The following NLGN1 variants were observed in gnomAD, a reference collection of about 807,000 sequenced individuals.
The protein encoded by NLGN1 is neuroligin 1.
Under a neutral mutation model 65.5 loss-of-function variants are expected in NLGN1, and 12 were observed. The ratio of observed to expected loss-of-function variants is 0.18; its 90% CI spans 0.12 to 0.30. The LOEUF (loss-of-function observed/expected upper bound fraction) is 0.30, where lower values mean the gene tolerates loss of function less well. NLGN1 is among the 10% of genes least tolerant of loss of function. The pLI is 1.00. For synonymous variants in NLGN1, 350 were observed against 359.5 expected (o/e 0.97, Z 0.30); for missense variants, 750 against 1,007.1 (o/e 0.74, Z 3.46).
intron 4 of NLGN1, among the ~76,000 whole-genome samples, chr3:174,107,039 G>GAGAA (rs1714080335): frequency 6.7e-6 from 1 of 149,664 alleles, no homozygotes; most frequent in Non-Finnish European, 1.5e-5. Flanking sequence ...GAGAGAGAGA[G>GAGAA]AGAGAGAGAG....
At chr3:173,615,249 T>G (rs1752880956) in intron 3 of NLGN1, among the ~76,000 whole-genome samples, 1 of 152,154 alleles carries the variant, frequency 6.6e-6, no homozygotes, top group South Asian at 2.1e-4. Flanking sequence ...GTTGTTGCTT[T>G]GCTGGTGTTG....
intron 2 of NLGN1, among the ~76,000 whole-genome samples, chr3:173,597,052 T>C (rs958724471): frequency 3.3e-5 from 5 of 152,170 alleles, no homozygotes; most frequent in African/African-American, 1.2e-4. Context: ...TTATGACTAT[T>C]AACTAACCCC....
chr3:174,051,134 A>C (rs1734749458), intron 4 of NLGN1, among the ~76,000 whole-genome samples: 1 of 152,064 alleles, frequency 6.6e-6, no homozygotes, highest in African/African-American at 2.4e-5. Context: ...TAAGAATTCT[A>C]ATTTAACTCT....
chr3:173,478,446 G>C (rs958019559), intron 2 of NLGN1, among the ~76,000 whole-genome samples: 7 of 152,096 alleles, frequency 4.6e-5, no homozygotes, highest in African/African-American at 1.4e-4. Context: ...AATGCATACA[G>C]GGCTTAACAC....
chr3:173,716,025 AC>A (rs1213231031), intron 3 of NLGN1, among the ~76,000 whole-genome samples: 14 of 152,188 alleles, frequency 9.2e-5, no homozygotes, highest in Non-Finnish European at 8.8e-5. Context: ...AAATATGCTT[AC>A]AATAACCAGA....
chr3:173,947,543 T>TA (rs1369396746), intron 4 of NLGN1, among the ~76,000 whole-genome samples: 1 of 152,176 alleles, frequency 6.6e-6, no homozygotes, highest in Non-Finnish European at 1.5e-5. Context: ...TTTAAATAAT[T>TA]ACGCTTTTCT....
At chr3:174,233,740 T>C (rs1741161060) in intron 4 of NLGN1, among the ~76,000 whole-genome samples, 1 of 152,062 alleles carries the variant, frequency 6.6e-6, no homozygotes, top group Admixed American at 6.5e-5. Flanking sequence ...AGCATCTTTT[T>C]TGGGTCAAAG....
intron 3 of NLGN1, among the ~76,000 whole-genome samples, chr3:173,736,874 G>T (rs1171244247): frequency 6.6e-6 from 1 of 151,892 alleles, no homozygotes; most frequent in Non-Finnish European, 1.5e-5. Flanking sequence ...ATATACATTT[G>T]CATAATACCT....
intron 3 of NLGN1, among the ~76,000 whole-genome samples, chr3:173,711,798 G>C (rs1482603048): frequency 6.6e-6 from 1 of 152,084 alleles, no homozygotes; most frequent in Non-Finnish European, 1.5e-5. Flanking sequence ...TACTGAAGGA[G>C]GTAAGGTTAG....
At chr3:173,659,398 A>G (rs1760579125) in intron 3 of NLGN1, among the ~76,000 whole-genome samples, 1 of 151,942 alleles carries the variant, frequency 6.6e-6, no homozygotes, top group Non-Finnish European at 1.5e-5. Context: ...CTATTTGCTG[A>G]AGTGTCCAAC....
chr3:173,449,628 C>T (rs1469162890), intron 2 of NLGN1, among the ~76,000 whole-genome samples: 1 of 152,074 alleles, frequency 6.6e-6, no homozygotes, highest in African/African-American at 2.4e-5. Context: ...TGTTAACTTT[C>T]TGTCTCGTTG....
intron 4 of NLGN1, among the ~76,000 whole-genome samples, chr3:174,202,161 A>T (rs899948847): frequency 4.6e-5 from 7 of 152,102 alleles, no homozygotes; most frequent in Admixed American, 2.6e-4. Context: ...TGTGCACAGT[A>T]CTATGGTACT....
At chr3:173,823,567 CA>C (rs1259163838) in intron 4 of NLGN1, among the ~76,000 whole-genome samples, 12 of 152,026 alleles carry the variant, frequency 7.9e-5, no homozygotes, top group African/African-American at 2.7e-4. Context: ...TTGTGCATAA[CA>C]GAAAACACTG....
chr3:174,107,125 T>C (rs539802386), intron 4 of NLGN1, among the ~76,000 whole-genome samples: 3 of 151,972 alleles, frequency 2.0e-5, no homozygotes, highest in Non-Finnish European at 2.9e-5. Context: ...AAAGGTCTTA[T>C]GTTGCCTTTA....
At chr3:173,497,584 A>G (rs1052394939) in intron 2 of NLGN1, among the ~76,000 whole-genome samples, 2 of 151,676 alleles carry the variant, frequency 1.3e-5, no homozygotes, top group South Asian at 4.1e-4. Context: ...TTAAAAAAAT[A>G]ACAAAATAAT....
intron 4 of NLGN1, among the ~76,000 whole-genome samples, chr3:174,220,658 C>G (rs1223174740): frequency 6.6e-6 from 1 of 152,126 alleles, no homozygotes; most frequent in Non-Finnish European, 1.5e-5. Context: ...TTGATTACCT[C>G]AGACATTATG....
intron 3 of NLGN1, among the ~76,000 whole-genome samples, chr3:173,800,083 AC>A (rs1410273591): frequency 3.3e-5 from 5 of 150,526 alleles, no homozygotes; most frequent in African/African-American, 1.2e-4. Context: ...GGATATATTT[AC>A]AACCCAAATC....
intron 1 of NLGN1, among the ~76,000 whole-genome samples, chr3:173,401,107 C>T (rs754186690): frequency 1.2e-4 from 18 of 152,166 alleles, no homozygotes; most frequent in Non-Finnish European, 2.2e-4. Context: ...TCAGCTTTGA[C>T]ACTGTTGTCA....
intron 4 of NLGN1, among the ~76,000 whole-genome samples, chr3:174,265,782 T>TATATAC (rs66906566): frequency 9.9e-6 from 1 of 101,124 alleles, no homozygotes; most frequent in African/African-American, 5.0e-5. Context: ...TATATATATA[T>TATATAC]GTATATATAT....
Sources: allele counts gnomAD v4.1 joint callset (sites outside exome capture counted in the v4.1 genomes callset), GRCh38; gene constraint gnomAD v4.1.1; transcripts MANE v1.5; gene names NCBI Gene and HGNC (gene_info 2026-07-23, HGNC 2026-07-21).